The following BOLL variants were observed in gnomAD, a reference collection of about 807,000 sequenced individuals.
BOLL encodes boule RNA binding protein, also known as protein boule-like.
Under a neutral mutation model 44.4 loss-of-function variants are expected in BOLL, and 23 were observed. That is an observed-to-expected ratio of 0.52 (90% CI 0.37 to 0.73). BOLL has a LOEUF of 0.73. Ranked by LOEUF, BOLL falls within the 30% of genes least tolerant of loss-of-function variation. The pLI, the probability that BOLL is intolerant of heterozygous loss-of-function variation, is 0.00. For missense variants in BOLL, 287 were observed against 338.3 expected (o/e 0.85, Z 1.19); for synonymous variants, 97 against 110.8 (o/e 0.88, Z 0.78).
Position 197,756,152 on chromosome 2 carries a change from C to T in BOLL, c.729+276G>A, listed in dbSNP as rs561680369. Among the ~76,000 whole-genome samples, 785 of 152,012 alleles carry T rather than the reference C, an allele frequency of 5.2e-3. 5 individuals carry two copies. The highest frequency in any genetic ancestry group is 8.6e-3 in the Admixed American group (131 of 15,270). ...CAGATTGACAGGCAAAATGAGAATG[C>T]AGAGTATTTGGAATTTTACTATTTC... On this transcript the variant is annotated intron_variant, in intron 9 of 10. Coordinates refer to ENST00000392296, the MANE Select transcript of BOLL (RefSeq NM_033030.6).
chr2:197,785,948 A>C (rs1248819262), upstream of BOLL: 1 of 1,543,140 alleles, frequency 6.5e-7, no homozygotes, highest in African/African-American at 1.4e-5. The surrounding 1 kb of genome is among the most constrained non-coding windows in gnomAD (Gnocchi z 6.7). Context: ...TCTCCCCGCT[A>C]TCCCGCGCCC....
intron 6 of BOLL, among the ~76,000 whole-genome samples, chr2:197,767,458 C>T (rs1689048280): frequency 6.6e-6 from 1 of 151,684 alleles, no homozygotes; most frequent in Non-Finnish European, 1.5e-5. Context: ...ATGTAATTTC[C>T]CATATTAATA....
At chr2:197,729,356 C>A (rs372437121) in intron 10 of BOLL, among the ~76,000 whole-genome samples, 310 of 152,146 alleles carry the variant, frequency 2.0e-3, no homozygotes, top group African/African-American at 4.1e-3. Flanking sequence ...GCAGTCTGAG[C>A]TCTAACTGCA....
intron 10 of BOLL, among the ~76,000 whole-genome samples, chr2:197,734,365 G>A (rs1687370247): frequency 6.6e-6 from 1 of 152,070 alleles, no homozygotes; most frequent in Admixed American, 6.6e-5. Flanking sequence ...ACTGTTGGTG[G>A]GACTGTAAAC....
intron 9 of BOLL, among the ~76,000 whole-genome samples, chr2:197,751,348 A>G (rs372745807): frequency 3.3e-5 from 5 of 152,216 alleles, no homozygotes; most frequent in African/African-American, 4.8e-5. Context: ...AAAAAAATCA[A>G]TGAATCCAAG....
chr2:197,740,218 C>A (rs533594364), intron 10 of BOLL, among the ~76,000 whole-genome samples: 2 of 152,224 alleles, frequency 1.3e-5, no homozygotes, highest in South Asian at 4.2e-4. Context: ...AGTAGACTGT[C>A]TTGGTATTGA....
At position 197,781,819 on chromosome 2, in the gene BOLL, T is replaced by C. The variant is rs1286206965; in HGVS notation, c.32A>G (p.Asn11Ser). The change falls in exon 2 of 11, where the codon AAT becomes AGT. Residue 11 changes from asparagine (N) to serine (S), a missense_variant. Coordinates refer to ENST00000392296, the MANE Select transcript of BOLL (RefSeq NM_033030.6). ...ATTCAAAGGCACAGGTGACACAGGA[T>C]TAGGGGATGGAGATAATGAATCTGT... MQTDSLSPSP[N>S]PVSPVPLNNP... The C allele has an allele frequency of 1.2e-6, 2 of 1,606,360 alleles. No individual in the cohort carries two copies. The highest frequency in any genetic ancestry group is 1.7e-6 in the Non-Finnish European group (2 of 1,174,696).
At chr2:197,786,129 G>T, upstream of BOLL, 1 of 1,363,386 alleles carries the variant, frequency 7.3e-7, no homozygotes. This position sits in a 1 kb window ranked among gnomAD's most constrained non-coding sequence, Gnocchi z 5.9. Flanking sequence ...GGCGAGGGTG[G>T]CTGTGGCAGC....
At position 197,771,843 on chromosome 2, in the gene BOLL, G is replaced by A. The variant is rs759093568; in HGVS notation, c.480+12C>T. The A allele has an allele frequency of 2.6e-6, 4 of 1,550,036 alleles. No individual in the cohort carries two copies. The South Asian group carries it at 5.0e-5, about 19-fold the overall frequency. The stretch of plus-strand genomic sequence containing the variant: ...AATAGATGGAAATCCTTTTTTAAAT[G>A]AAATTACTTACAGGCCAAGGCGGTG... On this transcript the variant is annotated intron_variant, in intron 6 of 10. Transcript: ENST00000392296.
rs927215910 is a variant in BOLL, at chr2:197,779,077, A to G, written c.130-11T>C. The G allele has an allele frequency of 1.9e-6, 3 of 1,583,072 alleles. No individual in the cohort carries two copies. In the South Asian group the frequency reaches 3.4e-5, roughly 18 times the overall value. ...ATCACTTTCGTTTGTCTAATGGCATAAAAAGAAAACGTTAAAAAGCATTTT... is the reference window on the plus strand; with the variant it reads ...ATCACTTTCGTTTGTCTAATGGCATGAAAAGAAAACGTTAAAAAGCATTTT... On this transcript the variant is annotated splice_polypyrimidine_tract_variant and intron_variant, in intron 2 of 10. Transcript: ENST00000392296.
At chr2:197,771,822 G>A (rs977350378) in intron 6 of BOLL, 33 bp downstream of exon 6, 18 of 1,509,290 alleles carry the variant, frequency 1.2e-5, no homozygotes, top group Non-Finnish European at 1.6e-5. Flanking sequence ...GATAGTAATA[G>A]ATGGAAATCC....
At chr2:197,758,281 G>C (rs937921946) in intron 7 of BOLL, among the ~76,000 whole-genome samples, 1 of 152,186 alleles carries the variant, frequency 6.6e-6, no homozygotes, top group Non-Finnish European at 1.5e-5. Flanking sequence ...TGGATAAACA[G>C]AATGTGGTAC....
Position 197,766,681 on chromosome 2 carries a change from C to A in BOLL, c.481-78G>T, listed in dbSNP as rs1689016441. On this transcript the variant is annotated intron_variant, in intron 6 of 10. Coordinates refer to ENST00000392296, the MANE Select transcript of BOLL (RefSeq NM_033030.6). The stretch of plus-strand genomic sequence containing the variant: ...CAATAAAATTTATCTCAAATTATTA[C>A]CTAAACCCAGTAAACTTCTGGTTTA... 1.1e-5 allele frequency: 11 copies of A among 1,042,128 alleles called. No individual in the cohort carries two copies. In the South Asian group the frequency reaches 1.5e-4, roughly 14 times the overall value. The allele number at this position is 1,042,128 out of a possible 1,614,324, so 64.6% of individuals were successfully genotyped here. A position where few individuals can be genotyped will look rare whatever the true frequency, so the allele number is the denominator to read the frequency against.
intron 10 of BOLL, among the ~76,000 whole-genome samples, chr2:197,739,160 T>C (rs2106321470): frequency 6.6e-6 from 1 of 152,232 alleles, no homozygotes; most frequent in African/African-American, 2.4e-5. Flanking sequence ...AAAATAAAAA[T>C]GAGAAACACA....
At chr2:197,774,101 T>G in intron 5 of BOLL, 1 of 403,526 alleles carries the variant, frequency 2.5e-6, no homozygotes, top group Non-Finnish European at 5.1e-6. Flanking sequence ...AACCCCATAC[T>G]TCTTAAAGTT....
At chr2:197,731,663 C>T (rs1349155228) in intron 10 of BOLL, among the ~76,000 whole-genome samples, 1 of 151,176 alleles carries the variant, frequency 6.6e-6, no homozygotes, top group African/African-American at 2.4e-5. Context: ...AAGAATCTCA[C>T]TCAAAACTGC....
intron 1 of BOLL, chr2:197,784,721 C>A: frequency 7.1e-6 from 7 of 987,250 alleles, no homozygotes; most frequent in Non-Finnish European, 8.4e-6. Flanking sequence ...AGCCATCGCG[C>A]CAGGCCTACA....
chr2:197,774,146 A>T (rs1289267966), intron 5 of BOLL: 3 of 282,554 alleles, frequency 1.1e-5, no homozygotes, highest in Non-Finnish European at 2.3e-5. Context: ...GGAGATATGA[A>T]AAAGCAGAGG....
At position 197,779,071 on chromosome 2, in the gene BOLL, T is replaced by C; in HGVS notation, c.130-5A>G. The C allele has an allele frequency of 1.9e-6, 3 of 1,595,264 alleles. No individual in the cohort carries two copies. Among genetic ancestry groups the C allele is most frequent in the Middle Eastern group, 1.7e-4 (1 of 5,998 alleles). On this transcript the variant is annotated splice_polypyrimidine_tract_variant and splice_region_variant and intron_variant, in intron 2 of 10. Transcript: ENST00000392296. ...TCTTAAATCACTTTCGTTTGTCTAA[T>C]GGCATAAAAAGAAAACGTTAAAAAG...
Sources: gnomAD v4.1 joint callset for allele counts (sites outside exome capture counted in the v4.1 genomes callset) on GRCh38, gnomAD v4.1.1 for gene constraint, Gnocchi (gnomAD v3.1) non-coding constraint, MANE v1.5 for transcripts, NCBI Gene and HGNC (gene_info 2026-07-23, HGNC 2026-07-21) for gene names.